DNAI2: variants seen among roughly 807,000 people sequenced by gnomAD.
DNAI2 encodes the protein dynein, axonemal, intermediate polypeptide 2.
Under a neutral mutation model 74.7 loss-of-function variants are expected in DNAI2, and 63 were observed. The observed-to-expected ratio is 0.84, with a 90% confidence interval of 0.69 to 1.04. The LOEUF (loss-of-function observed/expected upper bound fraction) is 1.04. Among genes scored for constraint, DNAI2 ranks in the 50% least tolerant of loss-of-function variants. The pLI is 0.00. For synonymous variants in DNAI2, 289 were observed against 314.9 expected (o/e 0.92, Z 0.87); for missense variants, 688 against 803.2 (o/e 0.86, Z 1.73).
intron 8 of DNAI2, among the ~76,000 whole-genome samples, chr17:74,303,829 A>G (rs1199978354): frequency 6.6e-6 from 1 of 152,152 alleles, no homozygotes; most frequent in Admixed American, 6.6e-5. Context: ...AAAAATAAAA[A>G]TAAAAAAGCT....
rs1341662751 is a variant in DNAI2 at position 74,279,549 on chromosome 17, A to G, written c.-11-2258A>G. On this transcript the variant is annotated intron_variant, in intron 1 of 13. Coordinates refer to ENST00000311014, the MANE Select transcript of DNAI2 (RefSeq NM_023036.6). ...CTGCTCACGTAATCCTGTTTTTGAG[A>G]TAGAGTCTTGCTCTGTCATCCAGGC... Among the ~76,000 whole-genome samples the G allele has an allele frequency of 1.3e-5, 2 of 152,120 alleles. 1 individual carries two copies.
At chr17:74,281,767 G>A (rs767717463) in intron 1 of DNAI2, 40 bp from the exon 2 acceptor site, 26 of 1,592,856 alleles carry the variant, frequency 1.6e-5, no homozygotes, top group East Asian at 4.5e-5. Context: ...GGAAGGGGCC[G>A]GTGGGGTCCC....
At chr17:74,284,558 G>T (rs895643146) in intron 2 of DNAI2, among the ~76,000 whole-genome samples, 1 of 151,976 alleles carries the variant, frequency 6.6e-6, no homozygotes, top group East Asian at 1.9e-4. Context: ...GACTACAGGC[G>T]CCCACCACCA....
At chr17:74,294,880 G>A (rs9894673) in intron 6 of DNAI2, among the ~76,000 whole-genome samples, 83,279 of 151,698 alleles carry the variant, frequency 0.55, 24,815 homozygotes, top group Non-Finnish European at 0.7. Context: ...CTTCCATTAT[G>A]TGTATGTTGG....
chr17:74,275,376 G>T (rs2051004159), intron 1 of DNAI2, among the ~76,000 whole-genome samples: 2 of 152,166 alleles, frequency 1.3e-5, no homozygotes, highest in South Asian at 4.1e-4. Flanking sequence ...CCTCTTTTGA[G>T]GGTAGAGTGA....
Position 74,312,002 on chromosome 17 carries a change from G to C in DNAI2, c.1495-1G>C. On this transcript the variant is annotated splice_acceptor_variant, in intron 11 of 13. Coordinates refer to ENST00000311014, the MANE Select transcript of DNAI2 (RefSeq NM_023036.6). LOFTEE classifies it high-confidence loss of function. ...GGCTCTCTCTGTCCCTGGGTGCCCAGATGTTTGAGCGTGAGACCCGGCGAG... is the reference window on the plus strand; with the variant it reads ...GGCTCTCTCTGTCCCTGGGTGCCCACATGTTTGAGCGTGAGACCCGGCGAG... 6.2e-7 allele frequency: 1 copy of C among 1,611,362 alleles called. No individual in the cohort carries two copies. The highest frequency in any genetic ancestry group is 1.1e-5 in the South Asian group (1 of 90,982).
intron 6 of DNAI2, 114 bp downstream of exon 6, chr17:74,291,247 G>A (rs910197663): frequency 4.1e-5 from 32 of 781,948 alleles, no homozygotes; most frequent in African/African-American, 2.1e-4. Context: ...TGCAACCTCC[G>A]CCTCCTGGGT....
At position 74,286,962 on chromosome 17, in the gene DNAI2, A is replaced by T; in HGVS notation, c.346-15A>T. ...CTCCATTTACTGCGGAGAACTTCCAATGTGTCCCCCCTAGATCATGGAGCA... is the reference window on the plus strand; with the variant it reads ...CTCCATTTACTGCGGAGAACTTCCATTGTGTCCCCCCTAGATCATGGAGCA... On this transcript the variant is annotated splice_polypyrimidine_tract_variant and intron_variant, in intron 3 of 13. Transcript: ENST00000311014. 1 of 1,613,728 alleles carries T rather than the reference A, an allele frequency of 6.2e-7. No homozygotes were observed. Among genetic ancestry groups the T allele is most frequent in the Non-Finnish European group, 8.5e-7 (1 of 1,179,734 alleles).
intron 2 of DNAI2, among the ~76,000 whole-genome samples, chr17:74,284,764 G>C (rs1403362085): frequency 1.3e-5 from 2 of 152,122 alleles, no homozygotes; most frequent in Non-Finnish European, 2.9e-5. Flanking sequence ...AGGCTTCTCT[G>C]GTCCATTAGA....
At position 74,290,687 on chromosome 17, in the gene DNAI2, CAG is replaced by C. The variant is rs72328271; in HGVS notation, c.611-328_611-327del. Among the ~76,000 whole-genome samples, 17,075 of 152,204 alleles carry C rather than the reference CAG, an allele frequency of 0.11. 1,744 individuals are homozygous for C. Among genetic ancestry groups the C allele is most frequent in the African/African-American group, 0.28 (11,482 of 41,490 alleles). On this transcript the variant is annotated intron_variant, in intron 5 of 13. Coordinates refer to ENST00000311014, the MANE Select transcript of DNAI2 (RefSeq NM_023036.6). ...CACAGACCTGGTTGGAAGAAACCGG[CAG>C]AGAGTTGACTTTGTGTAAAAACTTT...
In DNAI2 at chr17:74,301,039, C is replaced by T; in HGVS notation, c.865-7C>T. ...CGAAGTCTCACTGTCGCCCCTCCTC[C>T]CACCAGGTCATGTGGTGGGACATCC... On this transcript the variant is annotated splice_polypyrimidine_tract_variant and splice_region_variant and intron_variant, in intron 7 of 13. Coordinates refer to ENST00000311014, the MANE Select transcript of DNAI2 (RefSeq NM_023036.6). The T allele has an allele frequency of 6.2e-7, 1 of 1,613,868 alleles. No individual in the cohort carries two copies. The highest frequency in any genetic ancestry group is 8.5e-7 in the Non-Finnish European group (1 of 1,179,874).
At chr17:74,299,076 G>T (rs1012304993) in intron 6 of DNAI2, among the ~76,000 whole-genome samples, 12 of 152,196 alleles carry the variant, frequency 7.9e-5, no homozygotes, top group African/African-American at 2.9e-4. Context: ...GAGTGACAGG[G>T]TGAGCCCTCA....
chr17:74,285,334 C>A, intron 3 of DNAI2, 133 bp downstream of exon 3: 1 of 1,161,732 alleles, frequency 8.6e-7, no homozygotes, highest in Non-Finnish European at 1.2e-6. Flanking sequence ...GGACCAGCTG[C>A]TACCTCAAGG....
At chr17:74,303,705 G>A (rs2052997152) in intron 8 of DNAI2, among the ~76,000 whole-genome samples, 1 of 151,608 alleles carries the variant, frequency 6.6e-6, no homozygotes, top group Non-Finnish European at 1.5e-5. Flanking sequence ...TGATTCTCGT[G>A]CCTCAACCAC....
At position 74,284,179 on chromosome 17, in the gene DNAI2, C is replaced by T. The variant is rs979885421; in HGVS notation, c.184-861C>T. On this transcript the variant is annotated intron_variant, in intron 2 of 13. Transcript: ENST00000311014. ...AAGCTGTAGTGAGTCAAGATCATGC[C>T]ACTGCACTCCAGCCTGGGCAACAGA... Among the ~76,000 whole-genome samples, 33 of 149,004 alleles carry T rather than the reference C, an allele frequency of 2.2e-4. 1 individual carries two copies. The highest frequency in any genetic ancestry group is 8.2e-4 in the African/African-American group (33 of 40,320).
chr17:74,302,613 A>G (rs1173412992), intron 8 of DNAI2, among the ~76,000 whole-genome samples: 1 of 152,174 alleles, frequency 6.6e-6, no homozygotes, highest in Non-Finnish European at 1.5e-5. Flanking sequence ...CAGTTTGAGC[A>G]TAGTGCAAAT....
At chr17:74,283,972 T>C (rs2051536793) in intron 2 of DNAI2, among the ~76,000 whole-genome samples, 1 of 152,018 alleles carries the variant, frequency 6.6e-6, no homozygotes, top group African/African-American at 2.4e-5. Context: ...ACCCCGTCTC[T>C]ACTAAAAATA....
intron 9 of DNAI2, among the ~76,000 whole-genome samples, chr17:74,309,017 C>G (rs182527268): frequency 6.8e-6 from 1 of 147,406 alleles, no homozygotes; most frequent in Non-Finnish European, 1.5e-5. Context: ...GAGCCGACAT[C>G]GTACCACTGC....
intron 8 of DNAI2, among the ~76,000 whole-genome samples, chr17:74,303,840 G>T (rs925967629): frequency 2.0e-5 from 3 of 152,022 alleles, no homozygotes; most frequent in Admixed American, 6.6e-5. Flanking sequence ...TAAAAAAGCT[G>T]GGGGGCCAGG....
Sources: gnomAD v4.1 joint callset for allele counts (sites outside exome capture counted in the v4.1 genomes callset) on GRCh38, gnomAD v4.1.1 for gene constraint, MANE v1.5 for transcripts, NCBI Gene and HGNC (gene_info 2026-07-23, HGNC 2026-07-21) for gene names.